The following INO80D variants were observed in gnomAD, a reference collection of about 807,000 sequenced individuals.
INO80D encodes INO80 complex subunit D.
In INO80D, 21 loss-of-function variants were observed where a neutral mutation model predicts 87.6. The ratio of observed to expected loss-of-function variants is 0.24; its 90% CI spans 0.17 to 0.35. INO80D has a LOEUF of 0.35. Ranked by LOEUF, INO80D falls within the 10% of genes least tolerant of loss-of-function variation. The pLI is 1.00. For missense variants in INO80D, 982 were observed against 1,280.7 expected, an observed-to-expected ratio of 0.77 and a Z score of 3.56; for synonymous variants, 440 against 491.0, an observed-to-expected ratio of 0.90 and a Z score of 1.37.
chr2:206,046,883 C>T (rs1689209186), intron 4 of INO80D, among the ~76,000 whole-genome samples: 1 of 151,862 alleles, frequency 6.6e-6, no homozygotes, highest in African/African-American at 2.4e-5. Context: ...CCGGGTTCAG[C>T]GATTCTCCTG....
At chr2:206,084,866 A>G (rs912461757) in intron 1 of INO80D, 1 of 152,312 alleles carries the variant, frequency 6.6e-6, no homozygotes, top group East Asian at 1.9e-4. Context: ...TTCCCACCCC[A>G]AAAACCCAGT....
Position 206,002,646 on chromosome 2 carries a change from A to G in INO80D, c.*1722T>C, listed in dbSNP as rs1687925497. 6.6e-6 allele frequency: 1 copy of G among 152,206 alleles called. No homozygotes were observed. The highest frequency in any genetic ancestry group is 1.5e-5 in the Non-Finnish European group (1 of 68,048). The allele number at this position is 152,206 out of a possible 1,614,324, so 9.4% of individuals were successfully genotyped here. ...TCACCATCATTCCTTTAAAAAGCAG[A>G]GAAAGAAAAGCTTTCAAAAGAAGGG... On this transcript the variant is annotated 3_prime_UTR_variant, in exon 11 of 11. Coordinates refer to ENST00000403263, the MANE Select transcript of INO80D (RefSeq NM_017759.5).
chr2:206,036,255 A>G (rs1474421101), intron 5 of INO80D, among the ~76,000 whole-genome samples: 1 of 152,208 alleles, frequency 6.6e-6, no homozygotes, highest in Non-Finnish European at 1.5e-5. Flanking sequence ...CACCCAGAGG[A>G]AAAGAAGTCA....
intron 1 of INO80D, among the ~76,000 whole-genome samples, chr2:206,083,876 A>G (rs1237172747): frequency 6.6e-6 from 1 of 151,298 alleles, no homozygotes; most frequent in Non-Finnish European, 1.5e-5. Context: ...AAAAAAAAAA[A>G]AGGAAAAAAC....
chr2:205,996,978 A>G lies in INO80D; in HGVS notation c.*7390T>C, dbSNP rs1477650470. On this transcript the variant is annotated 3_prime_UTR_variant, in exon 11 of 11. Transcript: ENST00000403263. ...AGATGCTGCAAAAATACAACTGTAGAAAAGAACAGCATATAGAGCTTTCCT... is the reference window on the plus strand; with the variant it reads ...AGATGCTGCAAAAATACAACTGTAGGAAAGAACAGCATATAGAGCTTTCCT... 6.6e-6 allele frequency: 1 copy of G among 152,162 alleles called. No individual in the cohort carries two copies. The highest frequency in any genetic ancestry group is 2.4e-5 in the African/African-American group (1 of 41,448). 9.4% of individuals were successfully genotyped at this position (152,162 alleles called of 1,614,324 possible). A position where few individuals can be genotyped will look rare whatever the true frequency, so the allele number is the denominator to read the frequency against.
intron 1 of INO80D, among the ~76,000 whole-genome samples, chr2:206,070,943 A>G (rs1689948198): frequency 6.8e-6 from 1 of 147,716 alleles, no homozygotes; most frequent in Non-Finnish European, 1.5e-5. Flanking sequence ...CTATTTAAAG[A>G]CTAGAAACTG....
chr2:206,012,555 T>G (rs1278171556), intron 8 of INO80D, among the ~76,000 whole-genome samples: 1 of 152,028 alleles, frequency 6.6e-6, no homozygotes, highest in Non-Finnish European at 1.5e-5. Flanking sequence ...TAAAATGTGT[T>G]TGGATTCAGA....
At chr2:206,023,443 G>C (rs1287127611) in intron 6 of INO80D, among the ~76,000 whole-genome samples, 1 of 151,872 alleles carries the variant, frequency 6.6e-6, no homozygotes, top group Non-Finnish European at 1.5e-5. Context: ...TACCACTTTG[G>C]GAGGCCGGGG....
chr2:206,017,443 G>C (rs895787625), intron 8 of INO80D, among the ~76,000 whole-genome samples: 1 of 152,106 alleles, frequency 6.6e-6, no homozygotes, highest in East Asian at 1.9e-4. Context: ...GACATTTGTA[G>C]AATTGTATAT....
At chr2:206,043,328 C>T (rs781486704) in intron 5 of INO80D, among the ~76,000 whole-genome samples, 1 of 151,860 alleles carries the variant, frequency 6.6e-6, no homozygotes, top group East Asian at 1.9e-4. Context: ...TGCACCACCA[C>T]ACCCGATTAA....
chr2:206,023,845 CTGTT>C (rs941954228), intron 6 of INO80D, among the ~76,000 whole-genome samples: 5 of 152,116 alleles, frequency 3.3e-5, no homozygotes, highest in African/African-American at 9.7e-5. Context: ...GTCCATCTTG[CTGTT>C]TGTTTGTTGT....
At chr2:206,083,184 G>C (rs1025411489) in intron 1 of INO80D, among the ~76,000 whole-genome samples, 2 of 152,170 alleles carry the variant, frequency 1.3e-5, no homozygotes, top group African/African-American at 4.8e-5. Flanking sequence ...GATCAGGTTA[G>C]GAAATTAATA....
At chr2:206,037,470 G>A (rs1258848494) in intron 5 of INO80D, among the ~76,000 whole-genome samples, 2 of 152,114 alleles carry the variant, frequency 1.3e-5, no homozygotes, top group Admixed American at 6.6e-5. Flanking sequence ...TGAATTTAAG[G>A]TATTGACCAA....
chr2:206,041,197 T>C (rs965751490), intron 5 of INO80D, among the ~76,000 whole-genome samples: 3 of 89,666 alleles, frequency 3.3e-5, no homozygotes, highest in Non-Finnish European at 8.8e-5. Flanking sequence ...AGACAGTAAA[T>C]TTAAACCCAA....
rs1000118195 is a variant in INO80D at position 206,000,302 on chromosome 2, T to G, written c.*4066A>C. The G allele has an allele frequency of 1.3e-5, 2 of 151,722 alleles. No homozygotes were observed. Among genetic ancestry groups the G allele is most frequent in the Non-Finnish European group, 2.9e-5 (2 of 67,974 alleles). The allele number at this position is 151,722 out of a possible 1,614,324, so 9.4% of individuals were successfully genotyped here. ...CTCATCTTTTTGCAATACCAACCCATAGCGACCTTCTGAACTAACCTGGAG... is the reference window on the plus strand; with the variant it reads ...CTCATCTTTTTGCAATACCAACCCAGAGCGACCTTCTGAACTAACCTGGAG... On this transcript the variant is annotated 3_prime_UTR_variant, in exon 11 of 11. Coordinates refer to ENST00000403263, the MANE Select transcript of INO80D (RefSeq NM_017759.5).
At chr2:206,019,175 A>C (rs148805465) in intron 7 of INO80D, among the ~76,000 whole-genome samples, 1 of 152,300 alleles carries the variant, frequency 6.6e-6, no homozygotes, top group Non-Finnish European at 1.5e-5. Context: ...TACTCAATAA[A>C]AGTCACAGCA....
At chr2:206,007,492 C>G in intron 9 of INO80D, 51 bp from the exon 10 acceptor site, 10 of 1,546,722 alleles carry the variant, frequency 6.5e-6, no homozygotes, top group Non-Finnish European at 8.7e-6. Context: ...ATCTTCACAT[C>G]AATACCACCA....
At position 206,056,506 on chromosome 2, in the gene INO80D, AAAG is replaced by A; in HGVS notation, c.653_655del (p.Ser218del). ...ACCCTGCGGTGGCGCTGGAGGTTTT[AAAG>A]AAGTAGATAAAGGTGACAGGTGGGA... On this transcript the variant is annotated inframe_deletion, in exon 4 of 11. Coordinates refer to ENST00000403263, the MANE Select transcript of INO80D (RefSeq NM_017759.5). The A allele has an allele frequency of 1.2e-6, 2 of 1,613,606 alleles. No individual in the cohort carries two copies. Among genetic ancestry groups the A allele is most frequent in the South Asian group, 1.1e-5 (1 of 91,010 alleles).
At position 206,007,356 on chromosome 2, in the gene INO80D, A is replaced by G; in HGVS notation, c.1846T>C (p.Leu616=). Residue 616 remains leucine (L), a synonymous_variant, in exon 10 of 11, where the codon TTG becomes CTG. Transcript: ENST00000403263. ...EITDIPHDLE[L]NQEDFSDVLP... ...ACATCTGAAAAGTCCTCCTGGTTCA[A>G]TTCCAAGTCATGTGGAATGTCAGTG... The G allele has an allele frequency of 6.2e-7, 1 of 1,613,902 alleles. No individual in the cohort carries two copies. Among genetic ancestry groups the G allele is most frequent in the Non-Finnish European group, 8.5e-7 (1 of 1,179,868 alleles).
Sources: gnomAD v4.1 joint callset for allele counts (sites outside exome capture counted in the v4.1 genomes callset) on GRCh38, gnomAD v4.1.1 for gene constraint, MANE v1.5 for transcripts, NCBI Gene and HGNC (gene_info 2026-07-23, HGNC 2026-07-21) for gene names.